Variants in MMP16 observed in about 807,000 individuals in gnomAD.
MMP16 encodes matrix metallopeptidase 16, also known as matrix metalloproteinase-16.
A neutral mutation model predicts 67.8 loss-of-function variants in MMP16; 12 were observed. That is an observed-to-expected ratio of 0.18 (90% confidence interval 0.11 to 0.29). The LOEUF is 0.29. MMP16 is among the 10% of genes least tolerant of loss of function. The pLI, the probability that MMP16 is intolerant of heterozygous loss-of-function variation, is 1.00. For synonymous variants in MMP16, 249 were observed against 255.9 expected (o/e 0.97, Z 0.26); for missense variants, 475 against 765.7 (o/e 0.62, Z 4.48).
intron 1 of MMP16, among the ~76,000 whole-genome samples, chr8:88,201,144 C>CAAAAA (rs71277984): frequency 1.1e-4 from 12 of 109,408 alleles, no homozygotes; most frequent in East Asian, 2.4e-4. Context: ...TTTCCCCCCC[C>CAAAAA]AAAAAAAAAA....
At chr8:88,326,662 C>A (rs1811543886) in intron 1 of MMP16, among the ~76,000 whole-genome samples, 1 of 152,120 alleles carries the variant, frequency 6.6e-6, no homozygotes, top group African/African-American at 2.4e-5. Context: ...TGTTAGGCAC[C>A]AAACACTGGG....
intron 1 of MMP16, among the ~76,000 whole-genome samples, chr8:88,295,756 A>C (rs1246531747): frequency 3.3e-5 from 5 of 152,320 alleles, no homozygotes; most frequent in Admixed American, 2.6e-4. Flanking sequence ...TGTTTAAAGA[A>C]GTAAGGTAAT....
intron 6 of MMP16, among the ~76,000 whole-genome samples, chr8:88,084,048 T>A (rs990520528): frequency 1.3e-5 from 2 of 151,998 alleles, no homozygotes; most frequent in African/African-American, 4.8e-5. Context: ...ACCAGAAAAG[T>A]GAGAATGATC....
At chr8:88,175,666 CT>C (rs1183074903) in intron 3 of MMP16, among the ~76,000 whole-genome samples, 1 of 152,146 alleles carries the variant, frequency 6.6e-6, no homozygotes, top group Non-Finnish European at 1.5e-5. Context: ...TTTCCATTAT[CT>C]TACTTAATTT....
intron 1 of MMP16, among the ~76,000 whole-genome samples, chr8:88,253,964 A>C (rs763123529): frequency 1.1e-4 from 17 of 152,090 alleles, no homozygotes; most frequent in Non-Finnish European, 2.1e-4. Context: ...TACTGGGTAT[A>C]TACCCAAAGT....
chr8:88,068,712 G>GT (rs542420082), intron 7 of MMP16, among the ~76,000 whole-genome samples: 28 of 151,642 alleles, frequency 1.8e-4, no homozygotes, highest in African/African-American at 4.1e-4. Flanking sequence ...TTCTTTCTTT[G>GT]TTTTTTTGAG....
chr8:88,136,980 AT>A (rs889126826), intron 4 of MMP16, among the ~76,000 whole-genome samples: 16 of 151,508 alleles, frequency 1.1e-4, no homozygotes, highest in Admixed American at 7.3e-4. Flanking sequence ...TTATATACAT[AT>A]TTTTTTTCTC....
chr8:88,326,863 T>C (rs919338098), intron 1 of MMP16: 8 of 517,222 alleles, frequency 1.5e-5, no homozygotes, highest in Non-Finnish European at 2.8e-5. Context: ...CGCAGCATCG[T>C]GCTTTGTGCT....
intron 1 of MMP16, among the ~76,000 whole-genome samples, chr8:88,207,360 G>C (rs1193978269): frequency 6.6e-6 from 1 of 152,238 alleles, no homozygotes; most frequent in African/African-American, 2.4e-5. Flanking sequence ...CCCAAATGTT[G>C]TATCTGCTGA....
intron 4 of MMP16, among the ~76,000 whole-genome samples, chr8:88,144,247 T>G (rs1808256675): frequency 6.6e-6 from 1 of 152,002 alleles, no homozygotes; most frequent in Non-Finnish European, 1.5e-5. Context: ...GCCGTTTTCT[T>G]GATCTAATAT....
At chr8:88,230,247 G>A (rs1008920968) in intron 1 of MMP16, among the ~76,000 whole-genome samples, 1 of 152,108 alleles carries the variant, frequency 6.6e-6, no homozygotes, top group African/African-American at 2.4e-5. Context: ...CTGGTCTAGG[G>A]ATGGGGACCA....
intron 6 of MMP16, among the ~76,000 whole-genome samples, chr8:88,111,268 C>T (rs751607885): frequency 1.3e-5 from 2 of 151,688 alleles, no homozygotes; most frequent in Non-Finnish European, 2.9e-5. Flanking sequence ...CCATAGTTAA[C>T]GTTTTTGAAA....
chr8:88,241,085 T>G (rs1810026339), intron 1 of MMP16, among the ~76,000 whole-genome samples: 2 of 151,798 alleles, frequency 1.3e-5, no homozygotes, highest in Admixed American at 6.6e-5. Flanking sequence ...TGTTTTGTTT[T>G]TTTTTTTTCT....
chr8:88,192,150 A>G (rs1434876237), intron 2 of MMP16, among the ~76,000 whole-genome samples: 1 of 146,750 alleles, frequency 6.8e-6, no homozygotes, highest in Non-Finnish European at 1.6e-5. Context: ...TAATTACTTT[A>G]AAAAATCCTT....
At chr8:88,267,125 T>C (rs1363100433) in intron 1 of MMP16, among the ~76,000 whole-genome samples, 4 of 152,224 alleles carry the variant, frequency 2.6e-5, no homozygotes, top group Non-Finnish European at 5.9e-5. Context: ...GGAACGTTCA[T>C]CTGCTTTTCC....
chr8:88,160,462 A>C (rs540141579), intron 4 of MMP16, among the ~76,000 whole-genome samples: 87 of 152,210 alleles, frequency 5.7e-4, no homozygotes, highest in African/African-American at 2.0e-3. Flanking sequence ...CCCATCAAAA[A>C]GTGGGCAAAG....
intron 6 of MMP16, among the ~76,000 whole-genome samples, chr8:88,098,123 T>C (rs181219213): frequency 6.6e-6 from 1 of 152,078 alleles, no homozygotes; most frequent in East Asian, 2.0e-4. Context: ...ACTATTATGC[T>C]CATCGATATG....
intron 1 of MMP16, among the ~76,000 whole-genome samples, chr8:88,268,894 C>T (rs770966123): frequency 3.9e-5 from 6 of 152,088 alleles, no homozygotes; most frequent in Non-Finnish European, 8.8e-5. Context: ...TGTTGCCTTC[C>T]ACTCTGAAAG....
chr8:88,325,544 A>G (rs1169552728), intron 1 of MMP16, among the ~76,000 whole-genome samples: 2 of 152,162 alleles, frequency 1.3e-5, no homozygotes, highest in African/African-American at 4.8e-5. Context: ...CCTCCAGCCT[A>G]TGAACTAATC....
Sources: allele counts gnomAD v4.1 joint callset (sites outside exome capture counted in the v4.1 genomes callset), GRCh38; gene constraint gnomAD v4.1.1; transcripts MANE v1.5; gene names NCBI Gene and HGNC (gene_info 2026-07-23, HGNC 2026-07-21).